Variants in NEDD4 observed in about 807,000 individuals in gnomAD.
NEDD4 encodes NEDD4 E3 ubiquitin protein ligase.
NEDD4 carries 99 observed loss-of-function variants against 144.9 expected under a neutral mutation model. That is an observed-to-expected ratio of 0.68 (90% CI 0.58 to 0.81). The LOEUF (loss-of-function observed/expected upper bound fraction) is 0.81. NEDD4 is among the 30% of genes least tolerant of loss of function. The pLI, the probability that NEDD4 is intolerant of heterozygous loss-of-function variation, is 0.00. For synonymous variants in NEDD4, 318 were observed against 350.6 expected, an observed-to-expected ratio of 0.91 and a Z score of 1.04; for missense variants, 985 against 1,065.9, an observed-to-expected ratio of 0.92 and a Z score of 1.06.
intron 1 of NEDD4, among the ~76,000 whole-genome samples, chr15:55,970,167 G>A (rs1389735015): frequency 2.6e-5 from 4 of 152,166 alleles, no homozygotes; most frequent in African/African-American, 9.7e-5. Flanking sequence ...CATGGGCAGA[G>A]ACTCTGTCTG....
chr15:55,933,310 G>C (rs1225180397), intron 4 of NEDD4, among the ~76,000 whole-genome samples: 1 of 152,058 alleles, frequency 6.6e-6, no homozygotes. Context: ...ACTGGATTAA[G>C]AAAATGTGGC....
chr15:55,986,085 C>G (rs144756989), intron 1 of NEDD4, among the ~76,000 whole-genome samples: 39 of 152,258 alleles, frequency 2.6e-4, no homozygotes, highest in African/African-American at 8.2e-4. Flanking sequence ...ATGACAGTAA[C>G]TGATTACAAC....
At chr15:55,931,778 T>C (rs560739124) in intron 4 of NEDD4, among the ~76,000 whole-genome samples, 1 of 152,362 alleles carries the variant, frequency 6.6e-6, no homozygotes, top group African/African-American at 2.4e-5. Flanking sequence ...TCACATAGCA[T>C]ACACTCATCC....
At chr15:55,989,293 C>T (rs76651278) in intron 1 of NEDD4, among the ~76,000 whole-genome samples, 9,403 of 152,254 alleles carry the variant, frequency 0.062, 408 homozygotes, top group Middle Eastern at 0.14. Flanking sequence ...TATTTATTCA[C>T]TTCTTTAGTC....
At chr15:55,885,481 T>C (rs2142103173) in intron 5 of NEDD4, among the ~76,000 whole-genome samples, 1 of 152,202 alleles carries the variant, frequency 6.6e-6, no homozygotes, top group Non-Finnish European at 1.5e-5. Context: ...TGATCAAAAA[T>C]AGTACCTATA....
At chr15:55,982,290 A>G (rs1229529448) in intron 1 of NEDD4, among the ~76,000 whole-genome samples, 1 of 152,246 alleles carries the variant, frequency 6.6e-6, no homozygotes, top group Admixed American at 6.5e-5. Context: ...AAGAGAAATA[A>G]AAATATACTT....
chr15:55,935,632 G>A (rs2036871060), intron 4 of NEDD4, among the ~76,000 whole-genome samples: 1 of 151,996 alleles, frequency 6.6e-6, no homozygotes, highest in Admixed American at 6.6e-5. Context: ...CGGATCATGA[G>A]GTCAGGAGAT....
chr15:55,889,686 A>G (rs1011138585), intron 5 of NEDD4, among the ~76,000 whole-genome samples: 5 of 151,798 alleles, frequency 3.3e-5, no homozygotes, highest in African/African-American at 1.2e-4. Context: ...AATTTAATTT[A>G]GTGTTTTGTT....
intron 27 of NEDD4, among the ~76,000 whole-genome samples, chr15:55,832,749 G>C (rs2033014075): frequency 6.6e-6 from 1 of 152,012 alleles, no homozygotes; most frequent in Non-Finnish European, 1.5e-5. Context: ...ATGCATACTG[G>C]GCATAGAATT....
At chr15:55,835,275 A>G (rs2033140099) in intron 24 of NEDD4, among the ~76,000 whole-genome samples, 1 of 152,194 alleles carries the variant, frequency 6.6e-6, no homozygotes, top group African/African-American at 2.4e-5. Flanking sequence ...TATATCTAAT[A>G]AACATATTTA....
chr15:55,860,072 G>C (rs975668897), intron 11 of NEDD4, among the ~76,000 whole-genome samples: 7 of 152,146 alleles, frequency 4.6e-5, no homozygotes, highest in Non-Finnish European at 1.0e-4. Context: ...AATCCCTGAA[G>C]TCTTTTCTAA....
chr15:55,913,446 G>GA (rs1469173560), intron 5 of NEDD4, among the ~76,000 whole-genome samples: 3 of 152,000 alleles, frequency 2.0e-5, no homozygotes, highest in African/African-American at 7.2e-5. Flanking sequence ...TTATCAATTA[G>GA]ATCTATTTAG....
intron 1 of NEDD4, among the ~76,000 whole-genome samples, chr15:55,971,171 GA>G (rs1566973461): frequency 6.6e-6 from 1 of 152,106 alleles, no homozygotes; most frequent in Non-Finnish European, 1.5e-5. Flanking sequence ...GAATGCATCA[GA>G]ATCTCTCAAT....
chr15:55,894,469 A>G (rs1275635170), intron 5 of NEDD4, among the ~76,000 whole-genome samples: 1 of 152,162 alleles, frequency 6.6e-6, no homozygotes, highest in Non-Finnish European at 1.5e-5. Context: ...AAATACCAAG[A>G]GACACCGGTA....
intron 1 of NEDD4, among the ~76,000 whole-genome samples, chr15:55,975,017 C>T (rs1428029657): frequency 2.0e-5 from 3 of 151,274 alleles, no homozygotes; most frequent in Non-Finnish European, 2.9e-5. Flanking sequence ...CTCAGCCTCC[C>T]GACTAGCTGG....
At chr15:55,900,998 T>C (rs1244623554) in intron 5 of NEDD4, among the ~76,000 whole-genome samples, 22 of 152,178 alleles carry the variant, frequency 1.4e-4, no homozygotes, top group African/African-American at 5.1e-4. Context: ...TGTTTTCACA[T>C]ATAATAAACT....
intron 5 of NEDD4, among the ~76,000 whole-genome samples, chr15:55,893,566 T>C (rs1247493759): frequency 6.6e-6 from 1 of 151,732 alleles, no homozygotes; most frequent in Non-Finnish European, 1.5e-5. Flanking sequence ...AAATTTCCAT[T>C]CTATTTATAA....
chr15:55,981,278 T>C (rs2037799585), intron 1 of NEDD4, among the ~76,000 whole-genome samples: 1 of 152,142 alleles, frequency 6.6e-6, no homozygotes, highest in African/African-American at 2.4e-5. Flanking sequence ...TTGGCCAGGC[T>C]GGTCTGGAAC....
At chr15:55,885,925 A>G (rs1165585899) in intron 5 of NEDD4, among the ~76,000 whole-genome samples, 1 of 152,130 alleles carries the variant, frequency 6.6e-6, no homozygotes, top group African/African-American at 2.4e-5. Context: ...TTAAAAAAAA[A>G]AAATCAAGAC....
Sources: gnomAD v4.1 joint callset for allele counts (sites outside exome capture counted in the v4.1 genomes callset) on GRCh38, gnomAD v4.1.1 for gene constraint, MANE v1.5 for transcripts, NCBI Gene and HGNC (gene_info 2026-07-23, HGNC 2026-07-21) for gene names.